Variants in PAN3 observed in about 807,000 individuals in gnomAD.
PAN3 encodes the protein PAN2-PAN3 deadenylation complex subunit PAN3.
In PAN3, 19 loss-of-function variants were observed where a neutral mutation model predicts 96.2. The observed-to-expected ratio is 0.20, with a 90% CI of 0.14 to 0.29. The LOEUF is 0.29. PAN3 is among the 10% of genes least tolerant of loss of function. PAN3 has a pLI of 1.00. For synonymous variants in PAN3, 433 were observed against 406.6 expected, an observed-to-expected ratio of 1.06 and a Z score of -0.78; for missense variants, 882 against 1,108.1, an observed-to-expected ratio of 0.80 and a Z score of 2.90.
At chr13:28,174,477 T>C (rs1874701123) in intron 2 of PAN3, 84 bp downstream of exon 2, 9 of 1,433,466 alleles carry the variant, frequency 6.3e-6, no homozygotes, top group Non-Finnish European at 8.5e-6. Context: ...ATTCCTACAT[T>C]TGTTGAGTGG....
chr13:28,185,805 C>T (rs1876388575), intron 4 of PAN3, among the ~76,000 whole-genome samples: 1 of 152,224 alleles, frequency 6.6e-6, no homozygotes, highest in South Asian at 2.1e-4. Context: ...GTGCATTTAT[C>T]TCTTGAACCT....
chr13:28,256,170 C>A, intron 6 of PAN3, 122 bp from the exon 7 acceptor site: 1 of 1,048,442 alleles, frequency 9.5e-7, no homozygotes, highest in Non-Finnish European at 1.4e-6. Flanking sequence ...TTTCCTTCAT[C>A]TTTGCACTTA....
At chr13:28,244,686 C>G (rs186708528) in intron 6 of PAN3, among the ~76,000 whole-genome samples, 110 of 151,878 alleles carry the variant, frequency 7.2e-4, no homozygotes, top group African/African-American at 2.4e-3. Context: ...GTGTTATGGC[C>G]CACTTTTATC....
At chr13:28,207,307 A>G (rs1415884032) in intron 5 of PAN3, among the ~76,000 whole-genome samples, 1 of 152,164 alleles carries the variant, frequency 6.6e-6, no homozygotes, top group Admixed American at 6.5e-5. Context: ...TCTGTTAGTT[A>G]TAATGTAGAT....
Position 28,256,479 on chromosome 13 carries a change from A to C in PAN3, c.1188A>C (p.Glu396Asp), listed in dbSNP as rs983208464. The change falls in exon 7 of 19, where the codon GAA becomes GAC. Residue 396 changes from glutamate to aspartate, a missense_variant. This residue lies in a region of PAN3 where 364 missense variants were observed against 513.6 expected (regional missense o/e 0.71). Coordinates refer to ENST00000380958, the MANE Select transcript of PAN3 (RefSeq NM_175854.8). ...TPSSGQVIQK[E>D]TVGGTTYFYT... Reference sequence around the variant, plus strand: ...CTTCTGGTCAGGTGATCCAAAAGGAAACTGTTGGTGGGACGACTTACTTCT... The same window carrying C: ...CTTCTGGTCAGGTGATCCAAAAGGACACTGTTGGTGGGACGACTTACTTCT... The C allele has an allele frequency of 6.2e-7, 1 of 1,613,894 alleles. No homozygotes were observed. The highest frequency in any genetic ancestry group is 8.5e-7 in the Non-Finnish European group (1 of 1,179,836).
At position 28,173,117 on chromosome 13, in the gene PAN3, A is replaced by G. The variant is rs182011999; in HGVS notation, c.431-1155A>G. 4.6e-3 allele frequency among the ~76,000 whole-genome samples: 705 copies of G among 152,328 alleles called. 8 individuals carry two copies. The highest frequency in any genetic ancestry group is 0.019 in the Admixed American group (295 of 15,294). On this transcript the variant is annotated intron_variant, in intron 1 of 18. Coordinates refer to ENST00000380958, the MANE Select transcript of PAN3 (RefSeq NM_175854.8). ...TGTAGGGTGATGGTTACAGTGTCCA[A>G]TGTGGCATTATTAGGTTAATTTATA...
chr13:28,230,352 G>C (rs45561131), intron 6 of PAN3, among the ~76,000 whole-genome samples: 3,427 of 151,476 alleles, frequency 0.023, 117 homozygotes, highest in African/African-American at 0.079. Context: ...AAATACTTAG[G>C]AAATGAGTAG....
chr13:28,184,517 GCTT>G (rs1487129665), intron 4 of PAN3, among the ~76,000 whole-genome samples: 1 of 152,058 alleles, frequency 6.6e-6, no homozygotes, highest in Non-Finnish European at 1.5e-5. Flanking sequence ...CCTTATGCCT[GCTT>G]CTTTTTCCAC....
intron 6 of PAN3, among the ~76,000 whole-genome samples, chr13:28,243,011 G>A (rs1883827028): frequency 6.6e-6 from 1 of 152,096 alleles, no homozygotes; most frequent in Non-Finnish European, 1.5e-5. Context: ...GTAAACTTTT[G>A]TATTTGGTCA....
chr13:28,260,604 G>A, intron 8 of PAN3, 53 bp downstream of exon 8: 1 of 1,381,756 alleles, frequency 7.2e-7, no homozygotes, highest in South Asian at 1.2e-5. Flanking sequence ...GTGCTTTAGT[G>A]AACAGGGGAA....
intron 5 of PAN3, among the ~76,000 whole-genome samples, chr13:28,201,422 T>G (rs914569799): frequency 6.6e-6 from 1 of 152,110 alleles, no homozygotes; most frequent in Non-Finnish European, 1.5e-5. Flanking sequence ...GGCGGGTGCC[T>G]GTAGTCCCAG....
intron 18 of PAN3, among the ~76,000 whole-genome samples, chr13:28,290,575 G>A (rs529427683): frequency 3.3e-5 from 5 of 152,212 alleles, no homozygotes; most frequent in Admixed American, 2.6e-4. Context: ...CAGCTACTTC[G>A]GAGGCTGAGG....
chr13:28,189,539 C>CA (rs1030340345), intron 4 of PAN3, among the ~76,000 whole-genome samples: 149 of 105,216 alleles, frequency 1.4e-3, no homozygotes, highest in Middle Eastern at 6.0e-3. Flanking sequence ...CAAAACAAAA[C>CA]AAAAAAACTC....
chr13:28,284,952 G>A (rs1451240604), intron 17 of PAN3, among the ~76,000 whole-genome samples: 1 of 152,134 alleles, frequency 6.6e-6, no homozygotes, highest in African/African-American at 2.4e-5. Context: ...TGTGATTTTA[G>A]ATGTTGAGTC....
chr13:28,224,106 C>A (rs1246084965), intron 6 of PAN3, among the ~76,000 whole-genome samples: 1 of 151,984 alleles, frequency 6.6e-6, no homozygotes, highest in Non-Finnish European at 1.5e-5. Context: ...CTCCTGACTT[C>A]GTGGTCTGCC....
At chr13:28,173,622 C>T (rs908922772) in intron 1 of PAN3, among the ~76,000 whole-genome samples, 1 of 152,122 alleles carries the variant, frequency 6.6e-6, no homozygotes, top group Non-Finnish European at 1.5e-5. Flanking sequence ...GAAGAGCAAG[C>T]CTACTTGCGG....
chr13:28,217,066 A>T lies in PAN3; in HGVS notation c.853-3165A>T, dbSNP rs899612156. On this transcript the variant is annotated intron_variant, in intron 5 of 18. Transcript: ENST00000380958. Reference sequence around the variant, plus strand: ...GGGGCAGAAGTTGCAGTGAGCCGAGATCACGCCACTGTACTCCAGCCTGGG... The same window carrying T: ...GGGGCAGAAGTTGCAGTGAGCCGAGTTCACGCCACTGTACTCCAGCCTGGG... Among the ~76,000 whole-genome samples the T allele has an allele frequency of 2.0e-5, 3 of 151,694 alleles. No homozygotes were observed. The South Asian group carries it at 6.2e-4, about 32-fold the overall frequency.
At chr13:28,141,002 A>ATTTTTTTTT (rs1869700651) in intron 1 of PAN3, among the ~76,000 whole-genome samples, 2 of 104,244 alleles carry the variant, frequency 1.9e-5, no homozygotes, top group South Asian at 3.0e-4. Context: ...AGAAAGAGAC[A>ATTTTTTTTT]CTTTTTTTTT....
intron 17 of PAN3, among the ~76,000 whole-genome samples, chr13:28,282,675 G>C (rs981325838): frequency 2.6e-5 from 4 of 152,030 alleles, no homozygotes; most frequent in African/African-American, 9.7e-5. Context: ...GTCAAAAATA[G>C]GTAACCTATC....
Sources: allele counts gnomAD v4.1 joint callset (sites outside exome capture counted in the v4.1 genomes callset), GRCh38; gene constraint gnomAD v4.1.1; regional missense constraint gnomAD v4.1.1; transcripts MANE v1.5; gene names NCBI Gene and HGNC (gene_info 2026-07-23, HGNC 2026-07-21).